LYST: variants seen among roughly 807,000 people sequenced by gnomAD.
LYST encodes lysosomal trafficking regulator, also known as lysosomal-trafficking regulator.
Under a neutral mutation model 413.6 loss-of-function variants are expected in LYST, and 192 were observed. The observed-to-expected ratio is 0.46, with a 90% CI of 0.41 to 0.52. The LOEUF is 0.52. LYST is among the 20% of genes least tolerant of loss of function. The pLI is 0.00. For missense variants in LYST, 3,815 were observed against 4,499.9 expected, an observed-to-expected ratio of 0.85 and a Z score of 4.35; for synonymous variants, 1,525 against 1,567.3, an observed-to-expected ratio of 0.97 and a Z score of 0.64.
chr1:235,687,837 T>A (rs1660337030), intron 47 of LYST, among the ~76,000 whole-genome samples: 1 of 152,198 alleles, frequency 6.6e-6, no homozygotes, highest in Admixed American at 6.5e-5. Flanking sequence ...AATGTCTGCT[T>A]TCAAGGTCAG....
intron 20 of LYST, among the ~76,000 whole-genome samples, chr1:235,766,502 C>G: frequency 6.6e-6 from 1 of 152,154 alleles, no homozygotes; most frequent in East Asian, 1.9e-4. Context: ...TTAATTCTAG[C>G]CCATGTATCT....
intron 1 of LYST, among the ~76,000 whole-genome samples, chr1:235,873,567 GTTA>G (rs2103231341): frequency 6.6e-6 from 1 of 152,200 alleles, no homozygotes; most frequent in Admixed American, 6.5e-5. Context: ...CATAGTTGTG[GTTA>G]TTATTGCATT....
At position 235,733,694 on chromosome 1, in the gene LYST, A is replaced by G; in HGVS notation, c.8613-3T>C. 1 of 1,609,648 alleles carries G rather than the reference A, an allele frequency of 6.2e-7. No individual in the cohort carries two copies. Among genetic ancestry groups the G allele is most frequent in the Non-Finnish European group, 8.5e-7 (1 of 1,176,018 alleles). ...TTGAATCCAGACGCTGAAAGAGACT[A>G]AACAAATAATAAGATTGTCCATAGT... On this transcript the variant is annotated splice_polypyrimidine_tract_variant and splice_region_variant and intron_variant, in intron 33 of 52. Coordinates refer to ENST00000389793, the MANE Select transcript of LYST (RefSeq NM_000081.4).
intron 3 of LYST, among the ~76,000 whole-genome samples, chr1:235,825,469 C>A (rs1298567170): frequency 6.6e-6 from 1 of 152,096 alleles, no homozygotes; most frequent in Non-Finnish European, 1.5e-5. Flanking sequence ...GTTTCAAGAT[C>A]TAATGAATGA....
chr1:235,780,961 A>G lies in LYST; in HGVS notation c.5118T>C (p.Asn1706=). 1 of 1,606,086 alleles carries G rather than the reference A, an allele frequency of 6.2e-7. No individual in the cohort carries two copies. The highest frequency in any genetic ancestry group is 8.5e-7 in the Non-Finnish European group (1 of 1,173,848). Residue 1706 remains asparagine, a synonymous_variant, in exon 16 of 53, where the codon AAT becomes AAC. Transcript: ENST00000389793. ...VMPCKYGKPV[N]DYSKYINKEI... is the part of the protein sequence containing the mutation. ...CTTTATTAATATATTTGGAGTAGTCATTGACTGGCTTGCCATACTTACATG... is the reference window on the plus strand; with the variant it reads ...CTTTATTAATATATTTGGAGTAGTCGTTGACTGGCTTGCCATACTTACATG...
At chr1:235,691,213 T>C (rs7516782) in intron 47 of LYST, among the ~76,000 whole-genome samples, 84,665 of 152,068 alleles carry the variant, frequency 0.56, 26,089 homozygotes, top group African/African-American at 0.79. Flanking sequence ...CCACCGCGCC[T>C]GGCTACAGTT....
At chr1:235,841,214 C>T (rs1303894334) in intron 1 of LYST, among the ~76,000 whole-genome samples, 2 of 151,918 alleles carry the variant, frequency 1.3e-5, no homozygotes, top group African/African-American at 2.4e-5. Flanking sequence ...AATACCAGAC[C>T]GAATAAGGAA....
Position 235,815,038 on chromosome 1 carries a change from G to C in LYST, c.193-1977C>G, listed in dbSNP as rs1463254769. On this transcript the variant is annotated intron_variant, in intron 3 of 52. Transcript: ENST00000389793. ...CTGCAACTCATTCTCTAGGTTTTTA[G>C]TTCCTCTGTGGGGAGACTTCTCTAA... Among the ~76,000 whole-genome samples the C allele has an allele frequency of 2.6e-5, 4 of 152,144 alleles. 1 individual carries two copies. The highest frequency in any genetic ancestry group is 9.7e-5 in the African/African-American group (4 of 41,426).
intron 29 of LYST, among the ~76,000 whole-genome samples, chr1:235,745,763 C>T (rs993173783): frequency 2.6e-5 from 4 of 152,138 alleles, no homozygotes; most frequent in Non-Finnish European, 5.9e-5. Context: ...GAGTATTACA[C>T]TGAGTGAAAA....
rs951730149 is a variant in LYST, at chr1:235,854,988, T to C, written c.-98+11855A>G. Among the ~76,000 whole-genome samples, 20 of 152,216 alleles carry C rather than the reference T, an allele frequency of 1.3e-4. No homozygotes were observed. Among genetic ancestry groups the C allele is most frequent in the Admixed American group, 5.2e-4 (8 of 15,276 alleles). On this transcript the variant is annotated intron_variant, in intron 1 of 52. Coordinates refer to ENST00000389793, the MANE Select transcript of LYST (RefSeq NM_000081.4). The surrounding 1 kb of genome is among the most constrained non-coding windows in gnomAD (Gnocchi z 4.1). ...CAAAGTATGCAATACCTGCTACAAT[T>C]TAGCTTTTCCAAACTCCCAACACAT...
rs75626235 is a variant in LYST at position 235,682,133 on chromosome 1, G to A, written c.10801-4514C>T. On this transcript the variant is annotated intron_variant, in intron 48 of 52. Transcript: ENST00000389793. The stretch of plus-strand genomic sequence containing the variant: ...GAGAATAGCCTGAGCAACATAGTGG[G>A]AGCCCGTCTCTAGAAAAAAATTTAA... 6.8e-4 allele frequency among the ~76,000 whole-genome samples: 103 copies of A among 152,252 alleles called. 1 individual carries two copies. In the East Asian group the frequency reaches 0.019, roughly 28 times the overall value.
At chr1:235,726,396 TAAAAC>T (rs984564495) in intron 38 of LYST, among the ~76,000 whole-genome samples, 17 of 152,176 alleles carry the variant, frequency 1.1e-4, no homozygotes, top group African/African-American at 4.1e-4. Flanking sequence ...TTTTCATACT[TAAAAC>T]TGAATTCTTC....
intron 11 of LYST, among the ~76,000 whole-genome samples, chr1:235,792,455 C>T (rs1385590242): frequency 6.6e-6 from 1 of 151,676 alleles, no homozygotes; most frequent in East Asian, 1.9e-4. Context: ...GCTGGCATTA[C>T]AGGCACCCAC....
chr1:235,801,963 A>C (rs957869713), intron 8 of LYST, among the ~76,000 whole-genome samples: 4 of 152,122 alleles, frequency 2.6e-5, no homozygotes, highest in African/African-American at 9.7e-5. Context: ...TGGGAGGCCG[A>C]GGCGGGTGGA....
exon 1 of LYST, chr1:235,883,578 G>A (rs2103252802): frequency 6.5e-6 from 1 of 152,718 alleles, no homozygotes. Flanking sequence ...AAACACTCTG[G>A]TATGAGGACT....
intron 48 of LYST, among the ~76,000 whole-genome samples, chr1:235,684,159 G>T (rs994807524): frequency 6.6e-6 from 1 of 152,114 alleles, no homozygotes; most frequent in African/African-American, 2.4e-5. Flanking sequence ...TATTTAAATT[G>T]TAATAGCTAT....
chr1:235,683,115 T>C (rs1571987522), intron 48 of LYST, among the ~76,000 whole-genome samples: 1 of 152,218 alleles, frequency 6.6e-6, no homozygotes, highest in East Asian at 1.9e-4. Context: ...AAACACAACA[T>C]AGGGGTCCTA....
At chr1:235,721,968 G>T (rs1395028013) in intron 39 of LYST, among the ~76,000 whole-genome samples, 3 of 152,178 alleles carry the variant, frequency 2.0e-5, no homozygotes, top group African/African-American at 7.2e-5. Flanking sequence ...AGGAGGTAAG[G>T]GGTGCTTGGT....
At chr1:235,665,258 A>G (rs1658335118) in intron 50 of LYST, among the ~76,000 whole-genome samples, 1 of 152,226 alleles carries the variant, frequency 6.6e-6, no homozygotes, top group South Asian at 2.1e-4. Context: ...GATTGAAAAT[A>G]CTTGGAAAGC....
Sources: allele counts gnomAD v4.1 joint callset (sites outside exome capture counted in the v4.1 genomes callset), GRCh38; gene constraint gnomAD v4.1.1; non-coding constraint Gnocchi (gnomAD v3.1); transcripts MANE v1.5; gene names NCBI Gene and HGNC (gene_info 2026-07-23, HGNC 2026-07-21).